Variants in SEC61A2 observed in about 807,000 individuals in gnomAD.
The protein encoded by SEC61A2 is protein transport protein Sec61 subunit alpha isoform 2.
A neutral mutation model predicts 59.9 loss-of-function variants in SEC61A2; 28 were observed. The observed-to-expected ratio is 0.47, with a 90% CI of 0.35 to 0.64. The LOEUF is 0.64. Ranked by LOEUF, SEC61A2 falls within the 30% of genes least tolerant of loss-of-function variation. The pLI is 0.01. For synonymous variants in SEC61A2, 202 were observed against 214.4 expected (o/e 0.94, Z 0.50); for missense variants, 340 against 585.9 (o/e 0.58, Z 4.33).
In SEC61A2 at chr10:12,164,235, T is replaced by A; in HGVS notation, c.1245-33T>A. On this transcript the variant is annotated intron_variant, in intron 11 of 11. Coordinates refer to ENST00000298428, the MANE Select transcript of SEC61A2 (RefSeq NM_018144.4). The surrounding 1 kb of genome is among the most constrained non-coding windows in gnomAD (Gnocchi z 7.3). Reference sequence around the variant, plus strand: ...TAGCTGCCGTGCTGTTCCTGGTCTCTGCTGCCGCCTAACTTGGGGTTCTGT... The same window carrying A: ...TAGCTGCCGTGCTGTTCCTGGTCTCAGCTGCCGCCTAACTTGGGGTTCTGT... 6.2e-7 allele frequency: 1 copy of A among 1,610,490 alleles called. No individual in the cohort carries two copies. Among genetic ancestry groups the A allele is most frequent in the Non-Finnish European group, 8.5e-7 (1 of 1,179,402 alleles).
At chr10:12,168,336 A>T (rs556467380), downstream of SEC61A2, among the ~76,000 whole-genome samples, 5 of 152,174 alleles carry the variant, frequency 3.3e-5, no homozygotes, top group African/African-American at 1.2e-4. The surrounding 1 kb of genome is among the most constrained non-coding windows in gnomAD (Gnocchi z 4.8). Context: ...GGATGATTTT[A>T]TGTGTGAAAA....
At position 12,145,761 on chromosome 10, in the gene SEC61A2, C is replaced by T. The variant is rs1834124121; in HGVS notation, c.220+2566C>T. On this transcript the variant is annotated intron_variant, in intron 4 of 11. Transcript: ENST00000298428. The surrounding 1 kb of genome is among the most constrained non-coding windows in gnomAD (Gnocchi z 4.4). ...GTTAGGATGTTGGAACATTACCCAT[C>T]TGACATGAAAAGAAAAAAGAAAAAA... 6.6e-6 allele frequency among the ~76,000 whole-genome samples: 1 copy of T among 152,082 alleles called. No individual in the cohort carries two copies. The highest frequency in any genetic ancestry group is 2.4e-5 in the African/African-American group (1 of 41,394).
intron 3 of SEC61A2, among the ~76,000 whole-genome samples, chr10:12,140,865 G>T (rs1218331698): frequency 6.6e-6 from 1 of 151,960 alleles, no homozygotes; most frequent in Non-Finnish European, 1.5e-5. Flanking sequence ...CTCCCAAAGT[G>T]CTGGGATTAC....
chr10:12,155,921 C>T lies in SEC61A2; in HGVS notation c.606C>T (p.Asn202=), dbSNP rs1435965561. 2 of 1,614,106 alleles carry T rather than the reference C, an allele frequency of 1.2e-6. No individual in the cohort carries two copies. Among genetic ancestry groups the T allele is most frequent in the Non-Finnish European group, 1.7e-6 (2 of 1,180,036 alleles). The change falls in exon 7 of 12, where the codon AAC becomes AAT. Residue 202 remains asparagine, a synonymous_variant. Coordinates refer to ENST00000298428, the MANE Select transcript of SEC61A2 (RefSeq NM_018144.4). The surrounding 1 kb of genome is among the most constrained non-coding windows in gnomAD (Gnocchi z 4.3). ...AGGCCTTTAGTCCCACTACCATTAA[C>T]ACTGGCAGAGGTACATCGCACAGCG... ...VWKAFSPTTI[N]TGRGTEFEGA... is the part of the protein sequence containing the mutation.
rs940019312 is a variant in SEC61A2, at chr10:12,161,498, T to C, written c.1167+377T>C. On this transcript the variant is annotated intron_variant, in intron 10 of 11. Coordinates refer to ENST00000298428, the MANE Select transcript of SEC61A2 (RefSeq NM_018144.4). The surrounding 1 kb of genome is among the most constrained non-coding windows in gnomAD (Gnocchi z 5.4). ...TGGTTCACGCCTGTAATCCCAGCAC[T>C]TCGGGAGGCCGAGGTGGGCAGATCC... Among the ~76,000 whole-genome samples, 25 of 152,146 alleles carry C rather than the reference T, an allele frequency of 1.6e-4. No homozygotes were observed. Among genetic ancestry groups the C allele is most frequent in the African/African-American group, 6.0e-4 (25 of 41,432 alleles).
chr10:12,131,992 C>CGCAT, intron 1 of SEC61A2, among the ~76,000 whole-genome samples: 1 of 49,404 alleles, frequency 2.0e-5, no homozygotes, highest in Non-Finnish European at 3.6e-5. Flanking sequence ...CCAACAAGCC[C>CGCAT]GGCCTACATA....
downstream of SEC61A2, among the ~76,000 whole-genome samples, chr10:12,168,063 T>C (rs911987261): frequency 1.3e-5 from 2 of 152,036 alleles, no homozygotes; most frequent in Non-Finnish European, 2.9e-5. This position sits in a 1 kb window ranked among gnomAD's most constrained non-coding sequence, Gnocchi z 4.8. Context: ...CTCGCTCTGT[T>C]GCCCAAGCTA....
rs986732382 is a variant in SEC61A2 at position 12,142,914 on chromosome 10, A to G, written c.142-203A>G. 6.6e-6 allele frequency among the ~76,000 whole-genome samples: 1 copy of G among 151,690 alleles called. No homozygotes were observed. Among genetic ancestry groups the G allele is most frequent in the Non-Finnish European group, 1.5e-5 (1 of 67,976 alleles). On this transcript the variant is annotated intron_variant, in intron 3 of 11. Transcript: ENST00000298428. The surrounding 1 kb of genome is among the most constrained non-coding windows in gnomAD (Gnocchi z 5.4). The stretch of plus-strand genomic sequence containing the variant: ...ACATAAGAATAGTTTTTAAAAAAGT[A>G]TTGCAAGCAGTAAGTGAATACCTTG...
intron 4 of SEC61A2, among the ~76,000 whole-genome samples, chr10:12,146,674 C>T (rs1175048865): frequency 7.2e-5 from 11 of 151,884 alleles, no homozygotes; most frequent in African/African-American, 1.2e-4. Context: ...CCCGCCACCA[C>T]GCCCTGCTAA....
Position 12,164,578 on chromosome 10 carries a change from C to CA in SEC61A2, c.*124_*125insA. On this transcript the variant is annotated 3_prime_UTR_variant, in exon 12 of 12. Transcript: ENST00000298428. This position sits in a 1 kb window ranked among gnomAD's most constrained non-coding sequence, Gnocchi z 7.3. ...GTTTCTTGTTTCGAGTGCTGACTGA[C>CA]CCGTTTCTGAAATGGGCACCGAGCT... 2.9e-5 allele frequency: 43 copies of CA among 1,471,444 alleles called. No individual in the cohort carries two copies. Among genetic ancestry groups the CA allele is most frequent in the Non-Finnish European group, 3.8e-5 (43 of 1,117,212 alleles). The allele number at this position is 1,471,444 out of a possible 1,614,324, so 91.1% of individuals were successfully genotyped here. A position where few individuals can be genotyped will look rare whatever the true frequency, so the allele number is the denominator to read the frequency against.
intron 2 of SEC61A2, among the ~76,000 whole-genome samples, chr10:12,134,998 C>T (rs4747964): frequency 0.35 from 52,690 of 151,684 alleles, 9,597 homozygotes; most frequent in East Asian, 0.42. Context: ...TAGGATGTCA[C>T]GATGGGGAAC....
At chr10:12,147,732 A>T (rs1349938931) in intron 4 of SEC61A2, among the ~76,000 whole-genome samples, 1 of 151,672 alleles carries the variant, frequency 6.6e-6, no homozygotes, top group African/African-American at 2.4e-5. Context: ...TTTTGATGTG[A>T]GGCATGAGGC....
In SEC61A2 at chr10:12,161,282, A is replaced by C. The variant is rs1834521129; in HGVS notation, c.1167+161A>C. Among the ~76,000 whole-genome samples the C allele has an allele frequency of 6.6e-6, 1 of 152,140 alleles. No individual in the cohort carries two copies. The highest frequency in any genetic ancestry group is 2.4e-5 in the African/African-American group (1 of 41,432). Reference sequence around the variant, plus strand: ...AGCGAGACCCCGTCATGACTAAAAAAATACAAATAAAAATCGGCCGGGCAC... The same window carrying C: ...AGCGAGACCCCGTCATGACTAAAAACATACAAATAAAAATCGGCCGGGCAC... On this transcript the variant is annotated intron_variant, in intron 10 of 11. Coordinates refer to ENST00000298428, the MANE Select transcript of SEC61A2 (RefSeq NM_018144.4). This position sits in a 1 kb window ranked among gnomAD's most constrained non-coding sequence, Gnocchi z 5.4.
chr10:12,169,165 C>A, downstream of SEC61A2: 1 of 708,886 alleles, frequency 1.4e-6, no homozygotes, highest in Non-Finnish European at 2.4e-6. This position sits in a 1 kb window ranked among gnomAD's most constrained non-coding sequence, Gnocchi z 4.8. Flanking sequence ...TAAAGCTAGG[C>A]AACTTGGTTC....
chr10:12,129,772 C>G lies in SEC61A2; in HGVS notation c.-16C>G. ...CCGAGGCCGCGGTTTCCCCCTGGGC[C>G]TCCCCAGCAGCAGCCATGGGCAGTG... On this transcript the variant is annotated 5_prime_UTR_variant, in exon 1 of 12. Transcript: ENST00000298428. This position sits in a 1 kb window ranked among gnomAD's most constrained non-coding sequence, Gnocchi z 5.6. 1 of 1,488,178 alleles carries G rather than the reference C, an allele frequency of 6.7e-7. No homozygotes were observed. The highest frequency in any genetic ancestry group is 8.9e-7 in the Non-Finnish European group (1 of 1,123,606). 92.2% of individuals were successfully genotyped at this position (1,488,178 alleles called of 1,614,324 possible).
chr10:12,161,889 G>T lies in SEC61A2; in HGVS notation c.1168-324G>T, dbSNP rs11257574. ...TAATTTATACATTTTTAATGAGTCAGTGTCACCCCAACAGGCTAAAAATTG... is the reference window on the plus strand; with the variant it reads ...TAATTTATACATTTTTAATGAGTCATTGTCACCCCAACAGGCTAAAAATTG... On this transcript the variant is annotated intron_variant, in intron 10 of 11. Coordinates refer to ENST00000298428, the MANE Select transcript of SEC61A2 (RefSeq NM_018144.4). This position sits in a 1 kb window ranked among gnomAD's most constrained non-coding sequence, Gnocchi z 5.4. 6.6e-6 allele frequency among the ~76,000 whole-genome samples: 1 copy of T among 152,108 alleles called. No homozygotes were observed. Among genetic ancestry groups the T allele is most frequent in the Non-Finnish European group, 1.5e-5 (1 of 68,032 alleles).
rs375318215 is a variant in SEC61A2 at position 12,145,990 on chromosome 10, C to T, written c.220+2795C>T. ...TGGTGAACATTTTCCATTCTCTGTG[C>T]GATTCAGCTCCACACTCCCAGATTT... On this transcript the variant is annotated intron_variant, in intron 4 of 11. Coordinates refer to ENST00000298428, the MANE Select transcript of SEC61A2 (RefSeq NM_018144.4). The surrounding 1 kb of genome is among the most constrained non-coding windows in gnomAD (Gnocchi z 4.4). 9.2e-5 allele frequency among the ~76,000 whole-genome samples: 14 copies of T among 152,072 alleles called. No individual in the cohort carries two copies. The highest frequency in any genetic ancestry group is 3.9e-4 in the East Asian group (2 of 5,194).
chr10:12,136,578 A>T (rs1174245418), intron 3 of SEC61A2, among the ~76,000 whole-genome samples: 1 of 152,208 alleles, frequency 6.6e-6, no homozygotes, highest in Non-Finnish European at 1.5e-5. Flanking sequence ...GCTCCCAAGT[A>T]GCTGTGGGAC....
At position 12,154,910 on chromosome 10, in the gene SEC61A2, A is replaced by G. The variant is rs1834361824; in HGVS notation, c.463-868A>G. Reference sequence around the variant, plus strand: ...CGGAGGGTGTCTTTAAAGTGGGGACATGTGTGAGGTTGGGGGCATGGAAGC... The same window carrying G: ...CGGAGGGTGTCTTTAAAGTGGGGACGTGTGTGAGGTTGGGGGCATGGAAGC... On this transcript the variant is annotated intron_variant, in intron 6 of 11. Coordinates refer to ENST00000298428, the MANE Select transcript of SEC61A2 (RefSeq NM_018144.4). This position sits in a 1 kb window ranked among gnomAD's most constrained non-coding sequence, Gnocchi z 5.2. Among the ~76,000 whole-genome samples the G allele has an allele frequency of 6.6e-6, 1 of 152,086 alleles. No homozygotes were observed. Among genetic ancestry groups the G allele is most frequent in the Non-Finnish European group, 1.5e-5 (1 of 68,032 alleles).
Sources: gnomAD v4.1 joint callset for allele counts (sites outside exome capture counted in the v4.1 genomes callset) on GRCh38, gnomAD v4.1.1 for gene constraint, Gnocchi (gnomAD v3.1) non-coding constraint, MANE v1.5 for transcripts, NCBI Gene and HGNC (gene_info 2026-07-23, HGNC 2026-07-21) for gene names.